The following TMEM14C variants were observed in gnomAD, a reference collection of about 807,000 sequenced individuals.
TMEM14C encodes chromosome 6 open reading frame 53.
A neutral mutation model predicts 14.8 loss-of-function variants in TMEM14C; 13 were observed. The ratio of observed to expected loss-of-function variants is 0.88; its 90% CI spans 0.57 to 1.40. The LOEUF is 1.40. Ranked by LOEUF, TMEM14C falls within the 40% of genes most tolerant of loss-of-function variation. The probability of loss-of-function intolerance (pLI) is 0.00; values close to 1 mark genes in which losing one functional copy is unlikely to be tolerated. For synonymous variants in TMEM14C, 57 were observed against 51.3 expected (o/e 1.11, Z -0.48); for missense variants, 142 against 138.8 (o/e 1.02, Z -0.12).
rs1186372714 is a variant in TMEM14C at position 10,725,061 on chromosome 6, C to A, written c.97+24C>A. On this transcript the variant is annotated intron_variant, in intron 3 of 5. Transcript: ENST00000229563. ...AGGTAGGGTTTTGTTGTTACTTAGC[C>A]TCTTAACATCTTCACGTTGTCCCAG... The A allele has an allele frequency of 1.9e-6, 3 of 1,612,752 alleles. No individual in the cohort carries two copies. In the South Asian group the frequency reaches 3.3e-5, roughly 18 times the overall value.
intron 2 of TMEM14C, 131 bp from the exon 3 acceptor site, chr6:10,724,830 T>C: frequency 1.5e-6 from 2 of 1,366,252 alleles, no homozygotes; most frequent in Non-Finnish European, 2.1e-6. Context: ...CAGAAAGTCA[T>C]CCAACCTCTG....
rs151136018 is a variant in TMEM14C, at chr6:10,730,644, G to T, written c.317G>T (p.Ser106Ile). The T allele has an allele frequency of 5.0e-6, 8 of 1,612,012 alleles. No homozygotes were observed. In the East Asian group the frequency reaches 1.8e-4, roughly 36 times the overall value. ...SLLMVAKVGVSMFNRPH is the reference protein window; with the variant it reads ...SLLMVAKVGVIMFNRPH ...CTGATGGTCGCCAAAGTTGGAGTTA[G>T]TATGTTCAACAGACCCCATTAGCAG... The change falls in exon 6 of 6, where the codon AGT becomes ATT. Residue 106 changes from serine to isoleucine, a missense_variant. By Grantham distance (142) the Ser-to-Ile change is moderately radical (BLOSUM62 -2). Coordinates refer to ENST00000229563, the MANE Select transcript of TMEM14C (RefSeq NM_016462.4).
chr6:10,726,034 G>A lies in TMEM14C; in HGVS notation c.199+26G>A, dbSNP rs200816155. On this transcript the variant is annotated intron_variant, in intron 4 of 5. Transcript: ENST00000229563. ...GTATGTCTGCTTTGGCGTCTCCTTA[G>A]GGCAGCTATGTATCCAGAATACTCT... 17 of 1,613,242 alleles carry A rather than the reference G, an allele frequency of 1.1e-5. No homozygotes were observed. In the African/African-American group the frequency reaches 1.7e-4, roughly 16 times the overall value.
intron 4 of TMEM14C, among the ~76,000 whole-genome samples, chr6:10,727,915 C>G (rs1770916272): frequency 6.6e-6 from 1 of 152,148 alleles, no homozygotes; most frequent in Non-Finnish European, 1.5e-5. Flanking sequence ...AAACCCAAAC[C>G]CCAGTATGGC....
In TMEM14C at chr6:10,724,625, T is replaced by C. The variant is rs1345107770; in HGVS notation, c.12T>C (p.Thr4=). The change falls in exon 2 of 6, where the codon ACT becomes ACC. Residue 4 remains threonine (T), a synonymous_variant. Coordinates refer to ENST00000229563, the MANE Select transcript of TMEM14C (RefSeq NM_016462.4). MQD[T]GSVVPLHWFG... ...CAGAGAAGAGAAAAATGCAGGACACTGGCTCAGTGTGAGTGCAGTAAATGG... is the reference window on the plus strand; with the variant it reads ...CAGAGAAGAGAAAAATGCAGGACACCGGCTCAGTGTGAGTGCAGTAAATGG... The C allele has an allele frequency of 6.2e-7, 1 of 1,612,554 alleles. No homozygotes were observed. Among genetic ancestry groups the C allele is most frequent in the South Asian group, 1.1e-5 (1 of 90,842 alleles).
Position 10,723,611 on chromosome 6 carries a change from T to TTTG in TMEM14C, c.-45+370_-45+371insTTG, listed in dbSNP as rs397731877. ...ACTTAATTCTTTTTTTTTTTTTTTT[T>TTTG]GTCCTTGAGGGAGGGACTTGCTCTG... On this transcript the variant is annotated intron_variant, in intron 1 of 5. Coordinates refer to ENST00000229563, the MANE Select transcript of TMEM14C (RefSeq NM_016462.4). Among the ~76,000 whole-genome samples the TTTG allele has an allele frequency of 4.0e-5, 6 of 151,014 alleles. No individual in the cohort carries two copies. In the East Asian group the frequency reaches 9.7e-4, roughly 24 times the overall value.
At position 10,723,131 on chromosome 6, in the gene TMEM14C, T is replaced by TCGCCC. The variant is rs1770730925; in HGVS notation, c.-150_-146dup. On this transcript the variant is annotated 5_prime_UTR_variant, in exon 1 of 6. Coordinates refer to ENST00000229563, the MANE Select transcript of TMEM14C (RefSeq NM_016462.4). ...GCACAACAGAGCCGCTCCCCTCTCC[T>TCGCCC]CGCCCCGCCACCGGGACGGAGAGCG... 1 of 152,236 alleles carries TCGCCC rather than the reference T, an allele frequency of 6.6e-6. No homozygotes were observed. The highest frequency in any genetic ancestry group is 2.4e-5 in the African/African-American group (1 of 41,438). 9.4% of individuals were successfully genotyped at this position (152,236 alleles called of 1,614,324 possible).
At chr6:10,729,268 T>G (rs1482538130) in intron 5 of TMEM14C, among the ~76,000 whole-genome samples, 1 of 152,120 alleles carries the variant, frequency 6.6e-6, no homozygotes, top group Non-Finnish European at 1.5e-5. Flanking sequence ...CCGGAGTAGC[T>G]GGGATTACAG....
chr6:10,725,060 C>T (rs780423047), intron 3 of TMEM14C, 23 bp downstream of exon 3: 6 of 1,613,000 alleles, frequency 3.7e-6, no homozygotes, highest in Middle Eastern at 1.7e-4. Flanking sequence ...TGTTACTTAG[C>T]CTCTTAACAT....
At position 10,730,923 on chromosome 6, in the gene TMEM14C, G is replaced by A; in HGVS notation, c.*257G>A. ...TATATTGATGTTGTCTTTTCTTTCT[G>A]TATCTGTAGGTAAATCTCAAGGGTA... On this transcript the variant is annotated 3_prime_UTR_variant, in exon 6 of 6. Coordinates refer to ENST00000229563, the MANE Select transcript of TMEM14C (RefSeq NM_016462.4). 2 of 1,102,876 alleles carry A rather than the reference G, an allele frequency of 1.8e-6. No homozygotes were observed. The highest frequency in any genetic ancestry group is 7.6e-5 in the South Asian group (2 of 26,190). 68.3% of individuals were successfully genotyped at this position (1,102,876 alleles called of 1,614,324 possible).
chr6:10,728,531 A>G, intron 4 of TMEM14C, 109 bp from the exon 5 acceptor site: 1 of 1,150,662 alleles, frequency 8.7e-7, no homozygotes, highest in Non-Finnish European at 1.3e-6. Flanking sequence ...AGGAATAAGC[A>G]TAGGATGAGG....
chr6:10,728,799 A>G (rs1321752771), intron 5 of TMEM14C, 72 bp downstream of exon 5: 8 of 1,606,400 alleles, frequency 5.0e-6, no homozygotes, highest in Non-Finnish European at 6.8e-6. Flanking sequence ...TATGCATTCA[A>G]AACCTTACTT....
chr6:10,729,056 C>T (rs1213716732), intron 5 of TMEM14C, among the ~76,000 whole-genome samples: 2 of 152,108 alleles, frequency 1.3e-5, no homozygotes, highest in East Asian at 1.9e-4. Context: ...TTGGGGGCCC[C>T]ATATTTCTTA....
Position 10,726,110 on chromosome 6 carries a change from C to G in TMEM14C, c.199+102C>G. The stretch of plus-strand genomic sequence containing the variant: ...GATGGGGTGAGTTCTTCACACTTCA[C>G]TTACGACAATTTCACTGCTTCTACC... On this transcript the variant is annotated intron_variant, in intron 4 of 5. Transcript: ENST00000229563. 3 of 1,301,756 alleles carry G rather than the reference C, an allele frequency of 2.3e-6. No homozygotes were observed. In the South Asian group the frequency reaches 3.8e-5, roughly 16 times the overall value. The allele number at this position is 1,301,756 out of a possible 1,614,324, so 80.6% of individuals were successfully genotyped here.
In TMEM14C at chr6:10,724,631, A is replaced by C; in HGVS notation, c.18A>C (p.Ser6=). 1 of 1,612,432 alleles carries C rather than the reference A, an allele frequency of 6.2e-7. No individual in the cohort carries two copies. Among genetic ancestry groups the C allele is most frequent in the Non-Finnish European group, 8.5e-7 (1 of 1,179,142 alleles). Residue 6 remains serine (S), a splice_region_variant and synonymous_variant, in exon 2 of 6, where the codon TCA becomes TCC. Transcript: ENST00000229563. The part of the protein sequence containing the change: MQDTG[S]VVPLHWFGFG... Reference sequence around the variant, plus strand: ...AGAGAAAAATGCAGGACACTGGCTCAGTGTGAGTGCAGTAAATGGGTATGG... The same window carrying C: ...AGAGAAAAATGCAGGACACTGGCTCCGTGTGAGTGCAGTAAATGGGTATGG...
In TMEM14C at chr6:10,724,564, C is replaced by T. The variant is rs1003124948; in HGVS notation, c.-44-6C>T. The stretch of plus-strand genomic sequence containing the variant: ...AACTACCTCTGATCCAGCTTGTTTT[C>T]TGCAGGTGCAGGCCTGGGGTAGTCT... On this transcript the variant is annotated splice_region_variant and splice_polypyrimidine_tract_variant and intron_variant, in intron 1 of 5. Transcript: ENST00000229563. 1 of 1,606,486 alleles carries T rather than the reference C, an allele frequency of 6.2e-7. No homozygotes were observed. Among genetic ancestry groups the T allele is most frequent in the African/African-American group, 1.3e-5 (1 of 74,790 alleles).
rs1314090789 is a variant in TMEM14C, at chr6:10,731,087, T to C, written c.*421T>C. ...ACCACAGACTGACTTTGAAATTATGTTAAGTGAAATATCAATGAAAATAAA... is the reference window on the plus strand; with the variant it reads ...ACCACAGACTGACTTTGAAATTATGCTAAGTGAAATATCAATGAAAATAAA... On this transcript the variant is annotated 3_prime_UTR_variant, in exon 6 of 6. Coordinates refer to ENST00000229563, the MANE Select transcript of TMEM14C (RefSeq NM_016462.4). 1.0e-6 allele frequency: 1 copy of C among 985,324 alleles called. No individual in the cohort carries two copies. The highest frequency in any genetic ancestry group is 1.2e-6 in the Non-Finnish European group (1 of 829,732). 61.0% of individuals were successfully genotyped at this position (985,324 alleles called of 1,614,324 possible).
chr6:10,726,645 C>A (rs993040718), intron 4 of TMEM14C, among the ~76,000 whole-genome samples: 1 of 152,148 alleles, frequency 6.6e-6, no homozygotes, highest in Non-Finnish European at 1.5e-5. Flanking sequence ...GAGCTGAGAT[C>A]ACACCACTGC....
At chr6:10,724,448 C>T in intron 1 of TMEM14C, 122 bp from the exon 2 acceptor site, 1 of 659,046 alleles carries the variant, frequency 1.5e-6, no homozygotes. Flanking sequence ...CCAGTGTTAT[C>T]CTCATGGTAC....
Sources: allele counts gnomAD v4.1 joint callset (sites outside exome capture counted in the v4.1 genomes callset), GRCh38; gene constraint gnomAD v4.1.1; transcripts MANE v1.5; gene names NCBI Gene and HGNC (gene_info 2026-07-23, HGNC 2026-07-21).